The following CHD8 variants were observed in gnomAD, a reference collection of about 807,000 sequenced individuals.
The protein encoded by CHD8 is chromodomain helicase DNA binding protein 8.
CHD8 carries 31 observed loss-of-function variants against 279.2 expected under a neutral mutation model. That is an observed-to-expected ratio of 0.11 (90% confidence interval 0.08 to 0.15). The LOEUF (loss-of-function observed/expected upper bound fraction) is 0.15, where lower values mean the gene tolerates loss of function less well. CHD8 is among the 10% of genes least tolerant of loss of function. The probability of loss-of-function intolerance (pLI) is 1.00; values close to 1 mark genes in which losing one functional copy is unlikely to be tolerated. For synonymous variants in CHD8, 1,081 were observed against 1,139.6 expected, an observed-to-expected ratio of 0.95 and a Z score of 1.04; for missense variants, 2,146 against 3,230.5, an observed-to-expected ratio of 0.66 and a Z score of 8.14.
intron 1 of CHD8, among the ~76,000 whole-genome samples, chr14:21,437,891 ACTC>A (rs1889852645): frequency 6.6e-6 from 1 of 150,852 alleles, no homozygotes; most frequent in African/African-American, 2.4e-5. Context: ...CAAAACAAAC[ACTC>A]CTCACCCTCT....
intron 1 of CHD8, among the ~76,000 whole-genome samples, chr14:21,434,923 T>A (rs1423996583): frequency 6.6e-6 from 1 of 152,184 alleles, no homozygotes; most frequent in Non-Finnish European, 1.5e-5. Flanking sequence ...ATCTATCTCA[T>A]GAATCCTCTC....
chr14:21,395,356 G>A lies in CHD8; in HGVS notation c.5128-4C>T. Reference sequence around the variant, plus strand: ...CCATCATCATCAAGGGATCACCCTAGAGAAGGAGATCCACCCAATAGGATG... The same window carrying A: ...CCATCATCATCAAGGGATCACCCTAAAGAAGGAGATCCACCCAATAGGATG... On this transcript the variant is annotated splice_region_variant and splice_polypyrimidine_tract_variant and intron_variant, in intron 28 of 37. Coordinates refer to ENST00000646647, the MANE Select transcript of CHD8 (RefSeq NM_001170629.2). The A allele has an allele frequency of 1.3e-6, 2 of 1,599,786 alleles. No homozygotes were observed. Among genetic ancestry groups the A allele is most frequent in the Non-Finnish European group, 1.7e-6 (2 of 1,171,126 alleles).
intron 1 of CHD8, among the ~76,000 whole-genome samples, chr14:21,437,976 G>A (rs1889854829): frequency 1.3e-5 from 2 of 152,070 alleles, no homozygotes; most frequent in Non-Finnish European, 2.9e-5. Flanking sequence ...TCCACTTTGC[G>A]ATGTCACTTG....
chr14:21,426,358 T>C, intron 4 of CHD8, 116 bp from the exon 5 acceptor site: 2 of 619,364 alleles, frequency 3.2e-6, no homozygotes, highest in Non-Finnish European at 5.7e-6. Context: ...TTTTTAGATC[T>C]TCAGTCAATA....
intron 13 of CHD8, among the ~76,000 whole-genome samples, chr14:21,407,918 A>C (rs1222474166): frequency 6.6e-6 from 1 of 152,174 alleles, no homozygotes; most frequent in Non-Finnish European, 1.5e-5. Context: ...CATTTAGAAA[A>C]AGAAACTGAT....
chr14:21,438,531 AG>A (rs1183412098), intron 1 of CHD8, among the ~76,000 whole-genome samples: 17 of 105,968 alleles, frequency 1.6e-4, no homozygotes, highest in African/African-American at 3.6e-4. Context: ...AAAAAAAAAA[AG>A]AAAGAAAGAA....
rs368888580 is a variant in CHD8 at position 21,385,806 on chromosome 14, G to A, written c.7553C>T (p.Ser2518Phe). The A allele has an allele frequency of 2.6e-6, 4 of 1,550,490 alleles. No individual in the cohort carries two copies. The highest frequency in any genetic ancestry group is 3.5e-6 in the Non-Finnish European group (4 of 1,146,772). Residue 2518 changes from serine (S) to phenylalanine (F), a missense_variant, in exon 38 of 38, where the codon TCT becomes TTT. By Grantham distance (155) the Ser-to-Phe change is radical. Coordinates refer to ENST00000646647, the MANE Select transcript of CHD8 (RefSeq NM_001170629.2). ...HPGLRAPGYP[S>F]SPVTTASGTT... The stretch of plus-strand genomic sequence containing the variant: ...ACCAGAGGCGGTAGTCACTGGTGAA[G>A]AGGGGTAGCCAGGGGCTCTCAAGCC...
intron 30 of CHD8, 120 bp from the exon 31 acceptor site, chr14:21,394,605 C>CAAA (rs3068337): frequency 0.021 from 2,289 of 108,886 alleles, 142 homozygotes; most frequent in African/African-American, 0.051. Flanking sequence ...AAAGTAGACG[C>CAAA]AAAAAAAAAA....
chr14:21,397,313 GA>G (rs1400990315), intron 27 of CHD8: 4 of 518,510 alleles, frequency 7.7e-6, no homozygotes, highest in Non-Finnish European at 1.5e-5. Flanking sequence ...CTTCATGTGA[GA>G]AGTTTTGTTA....
Position 21,400,752 on chromosome 14 carries a change from G to A in CHD8, c.4370+123C>T, listed in dbSNP as rs1183634037. On this transcript the variant is annotated intron_variant, in intron 22 of 37. Transcript: ENST00000646647. The surrounding 1 kb of genome is among the most constrained non-coding windows in gnomAD (Gnocchi z 4.2). Reference sequence around the variant, plus strand: ...ATAAACAGAACAAACTCCCTCCAAGGCAAATATTTTTTCACATTATCCCTT... The same window carrying A: ...ATAAACAGAACAAACTCCCTCCAAGACAAATATTTTTTCACATTATCCCTT... 3 of 1,292,774 alleles carry A rather than the reference G, an allele frequency of 2.3e-6. No individual in the cohort carries two copies. Among genetic ancestry groups the A allele is most frequent in the Admixed American group, 5.4e-5 (2 of 36,918 alleles). The allele number at this position is 1,292,774 out of a possible 1,614,324, so 80.1% of individuals were successfully genotyped here.
intron 25 of CHD8, 35 bp from the exon 26 acceptor site, chr14:21,399,740 T>A: frequency 7.1e-7 from 1 of 1,401,962 alleles, no homozygotes; most frequent in Non-Finnish European, 1.0e-6. Flanking sequence ...AGCACAGAAA[T>A]GCAGGAAATT....
At chr14:21,425,218 G>A (rs1042906119) in intron 5 of CHD8, 2 of 152,082 alleles carry the variant, frequency 1.3e-5, no homozygotes, top group African/African-American at 4.8e-5. Context: ...AGAGTTCTAA[G>A]AGAGAGTCAA....
chr14:21,419,473 T>C (rs1888912224), intron 5 of CHD8: 1 of 152,634 alleles, frequency 6.6e-6, no homozygotes, highest in South Asian at 2.0e-4. Flanking sequence ...GGCAGAAGAA[T>C]TGCTTGAACC....
intron 1 of CHD8, among the ~76,000 whole-genome samples, chr14:21,440,043 G>C (rs1889916465): frequency 6.6e-6 from 1 of 152,068 alleles, no homozygotes; most frequent in Admixed American, 6.6e-5. Flanking sequence ...TCAACTCACA[G>C]TAAGTAAGAG....
chr14:21,394,812 C>T (rs1887705844), intron 30 of CHD8, 100 bp downstream of exon 30: 2 of 1,281,362 alleles, frequency 1.6e-6, no homozygotes, highest in African/African-American at 1.5e-5. Flanking sequence ...AAGATGGTCC[C>T]TCTGTAGAGA....
rs1057052143 is a variant in CHD8 at position 21,393,839 on chromosome 14, G to A, written c.5956C>T (p.His1986Tyr). The A allele has an allele frequency of 6.2e-7, 1 of 1,613,864 alleles. No homozygotes were observed. The highest frequency in any genetic ancestry group is 1.1e-5 in the South Asian group (1 of 91,096). ...GCAGTGCGTGAGGTATACTGCTGGT[G>A]CAGCAGTGGAGTAGAGCAGCGTGAC... ...SLSRCSTPLL[H>Y]QQYTSRTASP... The change falls in exon 32 of 38, where the codon CAC (histidine) becomes TAC (tyrosine). Residue 1986 changes from histidine to tyrosine, a missense_variant. His to Tyr is a moderately conservative substitution (Grantham distance 83, BLOSUM62 2). Around this residue, in one of 26 missense-constraint regions of CHD8, gnomAD observed 513 missense variants for 637.6 expected, o/e 0.80. Transcript: ENST00000646647.
chr14:21,391,189 A>T, intron 36 of CHD8, 126 bp from the exon 37 acceptor site: 1 of 741,394 alleles, frequency 1.3e-6, no homozygotes, highest in South Asian at 1.8e-5. Context: ...ATCCTAGTGG[A>T]AAACTGCCAT....
intron 5 of CHD8, among the ~76,000 whole-genome samples, chr14:21,422,567 T>C (rs1889093451): frequency 6.6e-6 from 1 of 152,212 alleles, no homozygotes; most frequent in Non-Finnish European, 1.5e-5. Flanking sequence ...CAAGTTGTTT[T>C]AACAAATCAC....
chr14:21,404,902 GCTCAC>G, intron 16 of CHD8: 121 of 319,254 alleles, frequency 3.8e-4, no homozygotes, highest in Middle Eastern at 1.8e-3. Context: ...TGTGATCTCG[GCTCAC>G]TGCAACCTCT....
Sources: allele counts gnomAD v4.1 joint callset (sites outside exome capture counted in the v4.1 genomes callset), GRCh38; gene constraint gnomAD v4.1.1; regional missense constraint gnomAD v4.1.1; non-coding constraint Gnocchi (gnomAD v3.1); transcripts MANE v1.5; gene names NCBI Gene and HGNC (gene_info 2026-07-23, HGNC 2026-07-21).